USP13: variants seen among roughly 807,000 people sequenced by gnomAD.
USP13 encodes ubiquitin specific peptidase 13.
A neutral mutation model predicts 107.8 loss-of-function variants in USP13; 68 were observed. The observed-to-expected ratio is 0.63, with a 90% CI of 0.52 to 0.77. The LOEUF (loss-of-function observed/expected upper bound fraction) is 0.77, where lower values mean the gene tolerates loss of function less well. Among genes scored for constraint, USP13 ranks in the 30% least tolerant of loss-of-function variants. The probability of loss-of-function intolerance (pLI) is 0.00; values close to 1 mark genes in which losing one functional copy is unlikely to be tolerated. For missense variants in USP13, 945 were observed against 1,093.3 expected (o/e 0.86, Z 1.91); for synonymous variants, 377 against 389.5 (o/e 0.97, Z 0.38).
In USP13 at chr3:179,780,532, TA is replaced by T. The variant is rs535880840; in HGVS notation, c.2414-1206del. On this transcript the variant is annotated intron_variant, in intron 19 of 20. Coordinates refer to ENST00000263966, the MANE Select transcript of USP13 (RefSeq NM_003940.3). ...GAGAGAGAAAGAAAGAGAGTCTGGA[TA>T]GGGGGGGAAGAAGAAGGTTTGAACC... Among the ~76,000 whole-genome samples, 121 of 152,098 alleles carry T rather than the reference TA, an allele frequency of 8.0e-4. 1 individual carries two copies. The highest frequency in any genetic ancestry group is 6.8e-3 in the Middle Eastern group (2 of 294).
At chr3:179,670,424 G>A (rs561311502) in intron 1 of USP13, among the ~76,000 whole-genome samples, 4 of 152,146 alleles carry the variant, frequency 2.6e-5, no homozygotes, top group South Asian at 2.1e-4. Flanking sequence ...AAGACATCAC[G>A]GCCTCACTCT....
Position 179,665,608 on chromosome 3 carries a change from C to T in USP13, c.168+12215C>T, listed in dbSNP as rs575086900. On this transcript the variant is annotated intron_variant, in intron 1 of 20. Transcript: ENST00000263966. ...TTTAAGGCTTTTCTTTTTTTTGAGA[C>T]AGAGTCTTGCTGTGTTGCCCAGGCT... Among the ~76,000 whole-genome samples the T allele has an allele frequency of 2.6e-4, 40 of 152,162 alleles. No homozygotes were observed. In the East Asian group the frequency reaches 6.9e-3, roughly 26 times the overall value.
At chr3:179,738,635 A>C (rs1714075737) in intron 10 of USP13, among the ~76,000 whole-genome samples, 1 of 152,202 alleles carries the variant, frequency 6.6e-6, no homozygotes, top group South Asian at 2.1e-4. Context: ...TATCAGGTGC[A>C]CATCTTTATT....
intron 19 of USP13, 134 bp downstream of exon 19, chr3:179,765,982 T>G (rs1560079975): frequency 2.7e-6 from 3 of 1,091,800 alleles, no homozygotes. Flanking sequence ...TCTTCGTTTT[T>G]TTTTTTTTTC....
chr3:179,683,550 A>G (rs767880405), intron 2 of USP13, among the ~76,000 whole-genome samples: 6 of 152,212 alleles, frequency 3.9e-5, no homozygotes, highest in Non-Finnish European at 8.8e-5. Flanking sequence ...GGATGGTAGC[A>G]GGCAAAGAGA....
intron 2 of USP13, among the ~76,000 whole-genome samples, chr3:179,690,004 CT>C (rs949678377): frequency 2.6e-5 from 4 of 152,160 alleles, no homozygotes; most frequent in African/African-American, 9.7e-5. Context: ...GTTTCCATTT[CT>C]TTTTCCAGAA....
chr3:179,764,221 A>C (rs1049783835), intron 18 of USP13, 53 bp downstream of exon 18: 225 of 1,543,950 alleles, frequency 1.5e-4, no homozygotes, highest in Non-Finnish European at 1.9e-4. Context: ...GTGTGAATTT[A>C]TTTCTGTAGC....
In USP13 at chr3:179,777,459, T is replaced by TTTTC. The variant is rs1553801108; in HGVS notation, c.2414-4277_2414-4276insCTTT. 6.0e-5 allele frequency among the ~76,000 whole-genome samples: 9 copies of TTTTC among 149,568 alleles called. No homozygotes were observed. The South Asian group carries it at 1.5e-3, about 25-fold the overall frequency. On this transcript the variant is annotated intron_variant, in intron 19 of 20. Coordinates refer to ENST00000263966, the MANE Select transcript of USP13 (RefSeq NM_003940.3). ...TCTCTCTCTCTTTTTTTTTTTTTTTTTTTTCTTTTTTGAGACAGAGTCTCA... is the reference window on the plus strand; with the variant it reads ...TCTCTCTCTCTTTTTTTTTTTTTTTTTTTCTTTTCTTTTTTGAGACAGAGTCTCA...
At chr3:179,703,749 G>A (rs1057459341) in intron 4 of USP13, among the ~76,000 whole-genome samples, 2 of 152,172 alleles carry the variant, frequency 1.3e-5, no homozygotes, top group Admixed American at 1.3e-4. Context: ...CCAGCATTCC[G>A]CTGACATGCA....
At chr3:179,730,858 T>G in intron 10 of USP13, 149 bp downstream of exon 10, 1 of 653,236 alleles carries the variant, frequency 1.5e-6, no homozygotes, top group East Asian at 2.8e-5. Flanking sequence ...CCTGTCTGTA[T>G]GCTCTTAAAA....
intron 13 of USP13, among the ~76,000 whole-genome samples, chr3:179,747,713 G>A (rs761524081): frequency 3.3e-5 from 5 of 152,146 alleles, no homozygotes; most frequent in East Asian, 1.9e-4. Flanking sequence ...TACCTTCCAC[G>A]TTAGCTTCTG....
rs766933815 is a variant in USP13, at chr3:179,708,966, G to T, written c.805+9G>T. ...CACTCCTGACGGGGCAGGTGAGTGC[G>T]CCTTTACCGACTTTGGGAACATGCA... On this transcript the variant is annotated intron_variant, in intron 6 of 20. Transcript: ENST00000263966. 1 of 1,611,102 alleles carries T rather than the reference G, an allele frequency of 6.2e-7. No homozygotes were observed. The highest frequency in any genetic ancestry group is 1.3e-5 in the African/African-American group (1 of 74,788).
At chr3:179,764,758 G>A (rs1186569910) in intron 18 of USP13, among the ~76,000 whole-genome samples, 1 of 152,054 alleles carries the variant, frequency 6.6e-6, no homozygotes, top group South Asian at 2.1e-4. Context: ...TTGAGGGAAG[G>A]TACTTAAAAA....
intron 19 of USP13, among the ~76,000 whole-genome samples, chr3:179,770,642 G>C (rs1258077058): frequency 6.7e-6 from 1 of 150,234 alleles, no homozygotes; most frequent in African/African-American, 2.5e-5. Context: ...GTCTCGCTCT[G>C]TCGCCAGGCT....
At chr3:179,681,802 C>T in intron 1 of USP13, 76 bp from the exon 2 acceptor site, 4 of 1,518,556 alleles carry the variant, frequency 2.6e-6, no homozygotes, top group African/African-American at 2.8e-5. Flanking sequence ...GTTTGCCTTC[C>T]TTCCCTTTCC....
intron 1 of USP13, among the ~76,000 whole-genome samples, chr3:179,668,685 G>A (rs982580440): frequency 6.6e-6 from 1 of 152,110 alleles, no homozygotes; most frequent in South Asian, 2.1e-4. Context: ...GCCTCCCAAA[G>A]TGCTGAGATT....
chr3:179,684,244 C>T (rs1207547256), intron 2 of USP13, among the ~76,000 whole-genome samples: 1 of 149,564 alleles, frequency 6.7e-6, no homozygotes, highest in Middle Eastern at 3.5e-3. Flanking sequence ...CAGGTATGAG[C>T]CACCACGCCT....
At position 179,745,169 on chromosome 3, in the gene USP13, T is replaced by C; in HGVS notation, c.1661T>C (p.Val554Ala). The C allele has an allele frequency of 1.2e-6, 2 of 1,614,014 alleles. No homozygotes were observed. The highest frequency in any genetic ancestry group is 1.7e-6 in the Non-Finnish European group (2 of 1,180,002). Residue 554 changes from valine to alanine, a missense_variant, in exon 13 of 21, where the codon GTT becomes GCT. Val to Ala is a moderately conservative substitution (Grantham distance 64). Transcript: ENST00000263966. ...CAGGCCTTCTCTGAACCAGAAAATG[T>C]TGATGATTTCTGGAGCAGTGCCCTA... ...CLQAFSEPEN[V>A]DDFWSSALQA...
chr3:179,745,006 A>G, intron 12 of USP13, 37 bp from the exon 13 acceptor site: 2 of 1,612,528 alleles, frequency 1.2e-6, no homozygotes, highest in Non-Finnish European at 1.7e-6. Flanking sequence ...ACAGGGTAAG[A>G]GCGATTGCAA....
Sources: allele counts gnomAD v4.1 joint callset (sites outside exome capture counted in the v4.1 genomes callset), GRCh38; gene constraint gnomAD v4.1.1; transcripts MANE v1.5; gene names NCBI Gene and HGNC (gene_info 2026-07-23, HGNC 2026-07-21).